Variants in NAF1 observed in about 807,000 individuals in gnomAD.
NAF1 encodes the protein nuclear assembly factor 1 ribonucleoprotein, also known as H/ACA ribonucleoprotein complex non-core subunit NAF1.
Under a neutral mutation model 40.6 loss-of-function variants are expected in NAF1, and 11 were observed. The ratio of observed to expected loss-of-function variants is 0.27; its 90% CI spans 0.17 to 0.45. The LOEUF is 0.45. Among genes scored for constraint, NAF1 ranks in the 20% least tolerant of loss-of-function variants. NAF1 has a pLI of 1.00. For synonymous variants in NAF1, 260 were observed against 228.5 expected (o/e 1.14, Z -1.24); for missense variants, 607 against 611.1 (o/e 0.99, Z 0.07).
chr4:163,110,298 T>C (rs536965024), intron 2 of NAF1: 4 of 700,624 alleles, frequency 5.7e-6, no homozygotes, highest in Non-Finnish European at 1.0e-5. Context: ...GGTCTGAAAA[T>C]AGGTGAGGTA....
At chr4:163,103,987 A>T in the NAF1 span, among the ~76,000 whole-genome samples, 1 of 150,840 alleles carries the variant, frequency 6.6e-6, no homozygotes, top group East Asian at 2.0e-4. Flanking sequence ...CCAAAAAGAG[A>T]GTCAGAGAAG....
intron 6 of NAF1, 104 bp from the exon 7 acceptor site, chr4:163,133,360 C>A: frequency 1.3e-6 from 1 of 756,352 alleles, no homozygotes; most frequent in Non-Finnish European, 2.1e-6. Flanking sequence ...ATCAATGACT[C>A]TAAAAAAAGT....
At chr4:163,146,612 C>G (rs1239245562) in intron 3 of NAF1, among the ~76,000 whole-genome samples, 1 of 152,148 alleles carries the variant, frequency 6.6e-6, no homozygotes, top group Non-Finnish European at 1.5e-5. Flanking sequence ...CTCAGATTAT[C>G]AAAATTAATT....
At chr4:163,162,585 T>C (rs973814758) in intron 2 of NAF1, among the ~76,000 whole-genome samples, 1 of 152,232 alleles carries the variant, frequency 6.6e-6, no homozygotes, top group African/African-American at 2.4e-5. Flanking sequence ...ATAGCATTTT[T>C]AGCAATTAAA....
In NAF1 at chr4:163,166,736, G is replaced by T; in HGVS notation, c.-9C>A. On this transcript the variant is annotated 5_prime_UTR_variant, in exon 1 of 8. Transcript: ENST00000274054. ...GCCTCCACTACCTCCATCGCACCGC[G>T]CCAGAAACCGGGTCGGCCTCAGGAT... 1 of 1,613,052 alleles carries T rather than the reference G, an allele frequency of 6.2e-7. No homozygotes were observed. Among genetic ancestry groups the T allele is most frequent in the Non-Finnish European group, 8.5e-7 (1 of 1,179,810 alleles).
chr4:163,129,476 A>G, intron 7 of NAF1, 128 bp from the exon 8 acceptor site: 1 of 998,670 alleles, frequency 1.0e-6, no homozygotes, highest in South Asian at 1.8e-5. Flanking sequence ...AGTGTAAGAC[A>G]TAAAATGGTA....
chr4:163,110,806 C>T (rs927760273), intron 2 of NAF1, among the ~76,000 whole-genome samples: 1 of 151,934 alleles, frequency 6.6e-6, no homozygotes, highest in Non-Finnish European at 1.5e-5. Flanking sequence ...CACTTTGTAG[C>T]GTAGTTATTT....
chr4:163,162,385 G>A lies in NAF1; in HGVS notation c.540+1832C>T, dbSNP rs537814033. On this transcript the variant is annotated intron_variant, in intron 2 of 7. Coordinates refer to ENST00000274054, the MANE Select transcript of NAF1 (RefSeq NM_138386.3). ...TCAATTCCTCTACCTATCTCTAGCA[G>A]CACAGTGGTCTGAAGGACTTCTAAT... is the stretch of plus-strand genomic sequence containing the variant. 3.3e-5 allele frequency among the ~76,000 whole-genome samples: 5 copies of A among 152,304 alleles called. No homozygotes were observed. In the South Asian group the frequency reaches 1.0e-3, roughly 32 times the overall value.
At chr4:163,127,254 C>G, downstream of NAF1, 1 of 1,245,886 alleles carries the variant, frequency 8.0e-7, no homozygotes, top group Non-Finnish European at 1.0e-6. Context: ...CTCAGCCTCC[C>G]GAGTAGCTGG....
intron 1 of NAF1, among the ~76,000 whole-genome samples, chr4:163,165,060 G>T (rs1216942299): frequency 4.6e-5 from 7 of 152,070 alleles, no homozygotes; most frequent in Non-Finnish European, 8.8e-5. Flanking sequence ...ACACATTAAT[G>T]ATTTCAGTCA....
chr4:163,142,313 C>T (rs1731293211), intron 4 of NAF1, among the ~76,000 whole-genome samples: 1 of 152,190 alleles, frequency 6.6e-6, no homozygotes, highest in Non-Finnish European at 1.5e-5. Context: ...TTAAAAATAT[C>T]TTTTAAGTTT....
rs757340097 is a variant in NAF1 at position 163,164,331 on chromosome 4, AGAC to A, written c.423_425del (p.Ser145del). The A allele has an allele frequency of 4.6e-5, 74 of 1,601,716 alleles. No individual in the cohort carries two copies. Among genetic ancestry groups the A allele is most frequent in the Middle Eastern group, 1.7e-4 (1 of 6,044 alleles). On this transcript the variant is annotated inframe_deletion, in exon 2 of 8. Transcript: ENST00000274054. ...GAGGAAGTGATATACAAGAGGAAGA[AGAC>A]GACGATGAGGAAGATGAAGAGGAAG... is the stretch of plus-strand genomic sequence containing the variant.
downstream of NAF1, among the ~76,000 whole-genome samples, chr4:163,128,429 G>A (rs1374288217): frequency 1.3e-5 from 2 of 151,556 alleles, no homozygotes; most frequent in African/African-American, 4.9e-5. Flanking sequence ...GAAAAATTAT[G>A]GTCATTTAAA....
At chr4:163,158,908 T>C (rs374381545) in intron 2 of NAF1, among the ~76,000 whole-genome samples, 4 of 152,122 alleles carry the variant, frequency 2.6e-5, no homozygotes, top group South Asian at 2.1e-4. Flanking sequence ...TCACTTCTTA[T>C]GTGCAGTACA....
chr4:163,140,525 GTTATATTTATGTCATTTTTACATA>G, intron 4 of NAF1, 142 bp from the exon 5 acceptor site: 1 of 643,580 alleles, frequency 1.6e-6, no homozygotes, highest in Admixed American at 3.4e-5. Flanking sequence ...TAATTTTTTA[GTTATATTTATGTCATTTTTACATA>G]TTCAGTCTTC....
At chr4:163,153,924 G>A (rs564972962) in intron 2 of NAF1, among the ~76,000 whole-genome samples, 120 of 152,170 alleles carry the variant, frequency 7.9e-4, no homozygotes, top group African/African-American at 2.7e-3. Flanking sequence ...CACTCACCGC[G>A]AAGATCTGCA....
intron 2 of NAF1, among the ~76,000 whole-genome samples, chr4:163,163,792 T>C (rs548894531): frequency 6.6e-6 from 1 of 152,184 alleles, no homozygotes; most frequent in East Asian, 1.9e-4. Context: ...ATGCAGTCAA[T>C]TAAAAAGTCA....
chr4:163,118,688 G>A (rs1730424878), intron 2 of NAF1, among the ~76,000 whole-genome samples: 2 of 152,200 alleles, frequency 1.3e-5, no homozygotes, highest in East Asian at 3.8e-4. Flanking sequence ...GGGAGGTAGA[G>A]GCTGCAGTGA....
intron 2 of NAF1, among the ~76,000 whole-genome samples, chr4:163,149,740 A>C (rs1359641078): frequency 6.6e-6 from 1 of 152,212 alleles, no homozygotes; most frequent in African/African-American, 2.4e-5. Flanking sequence ...AAAATGGTTC[A>C]TGTGTGTATC....
Sources: gnomAD v4.1 joint callset for allele counts (sites outside exome capture counted in the v4.1 genomes callset) on GRCh38, gnomAD v4.1.1 for gene constraint, MANE v1.5 for transcripts, NCBI Gene and HGNC (gene_info 2026-07-23, HGNC 2026-07-21) for gene names.